ROR1: variants seen among roughly 807,000 people sequenced by gnomAD.
ROR1 encodes inactive tyrosine-protein kinase transmembrane receptor ROR1.
ROR1 carries 19 observed loss-of-function variants against 78.8 expected under a neutral mutation model. The ratio of observed to expected loss-of-function variants is 0.24; its 90% confidence interval spans 0.17 to 0.35. The LOEUF (loss-of-function observed/expected upper bound fraction) is 0.35. ROR1 is among the 10% of genes least tolerant of loss of function. The pLI is 1.00. For missense variants in ROR1, 917 were observed against 1,177.8 expected (o/e 0.78, Z 3.24); for synonymous variants, 386 against 433.6 (o/e 0.89, Z 1.36).
At chr1:63,918,820 T>C (rs1645630742) in intron 1 of ROR1, among the ~76,000 whole-genome samples, 1 of 152,162 alleles carries the variant, frequency 6.6e-6, no homozygotes, top group African/African-American at 2.4e-5. Context: ...TAGCTAGCCC[T>C]AGGCTCTGAA....
Position 64,140,312 on chromosome 1 carries a change from A to G in ROR1, c.814A>G (p.Met272Val), listed in dbSNP as rs756017115. Residue 272 changes from methionine to valine, a missense_variant, in exon 6 of 9, where the codon ATG (methionine) becomes GTG (valine). Around this residue, in one of 3 missense-constraint regions of ROR1, gnomAD observed 835 missense variants for 1,069.8 expected, o/e 0.78. Coordinates refer to ENST00000371079, the MANE Select transcript of ROR1 (RefSeq NM_005012.4). The stretch of plus-strand genomic sequence containing the variant: ...GTACATTTTTGCAAGATCAAATCCC[A>G]TGATTCTGATGAGGCTGAAACTGCC... ...TEYIFARSNP[M>V]ILMRLKLPNC... 3.7e-6 allele frequency: 6 copies of G among 1,614,056 alleles called. No individual in the cohort carries two copies. In the South Asian group the frequency reaches 4.4e-5, roughly 12 times the overall value.
chr1:63,867,690 G>A (rs188332750), intron 1 of ROR1, among the ~76,000 whole-genome samples: 4 of 152,298 alleles, frequency 2.6e-5, no homozygotes, highest in East Asian at 1.9e-4. Context: ...CCTCGCCGAC[G>A]AAAATATTCC....
intron 1 of ROR1, chr1:63,843,752 T>G: frequency 2.4e-6 from 1 of 420,082 alleles, no homozygotes; most frequent in Non-Finnish European, 4.7e-6. Context: ...CAGCCGCTGC[T>G]GGGACCCGAC....
At chr1:63,808,841 G>GT (rs11408423) in intron 1 of ROR1, among the ~76,000 whole-genome samples, 25,395 of 145,318 alleles carry the variant, frequency 0.17, 5,489 homozygotes, top group African/African-American at 0.51. Context: ...TTTCATTTAT[G>GT]TTTTTTTTTT....
intron 1 of ROR1, among the ~76,000 whole-genome samples, chr1:64,001,025 G>T (rs1570039544): frequency 6.6e-6 from 1 of 152,164 alleles, no homozygotes; most frequent in East Asian, 1.9e-4. Flanking sequence ...GAATAATTTA[G>T]CACAGAAGTC....
intron 1 of ROR1, among the ~76,000 whole-genome samples, chr1:64,008,873 T>C (rs1646452078): frequency 6.6e-6 from 1 of 152,118 alleles, no homozygotes; most frequent in South Asian, 2.1e-4. Context: ...GACCTTGTGA[T>C]CCACCTGCCT....
At position 64,177,525 on chromosome 1, in the gene ROR1, C is replaced by G; in HGVS notation, c.1484C>G (p.Pro495Arg). Residue 495 changes from proline (P) to arginine (R), a missense_variant, in exon 9 of 9, where the codon CCA becomes CGA. Pro to Arg is a moderately radical substitution (Grantham distance 103). Around this residue, in one of 3 missense-constraint regions of ROR1, gnomAD observed 835 missense variants for 1,069.8 expected, o/e 0.78. Transcript: ENST00000371079. ...GKIYKGHLYLPGMDHAQLVAI... is the reference protein window; with the variant it reads ...GKIYKGHLYLRGMDHAQLVAI... ...ATCTATAAAGGCCATCTCTATCTCC[C>G]AGGCATGGACCATGCTCAGCTGGTT... The G allele has an allele frequency of 1.2e-6, 2 of 1,614,092 alleles. No individual in the cohort carries two copies. The highest frequency in any genetic ancestry group is 2.7e-5 in the African/African-American group (2 of 75,026).
intron 5 of ROR1, among the ~76,000 whole-genome samples, chr1:64,139,068 G>A (rs553131932): frequency 6.6e-6 from 1 of 150,692 alleles, no homozygotes; most frequent in South Asian, 2.1e-4. Flanking sequence ...GTGGGAGGCT[G>A]AGGCATGAGA....
At chr1:64,016,692 GTGTATATAATGC>G (rs1172698057) in intron 2 of ROR1, among the ~76,000 whole-genome samples, 3 of 148,236 alleles carry the variant, frequency 2.0e-5, no homozygotes, top group Non-Finnish European at 3.0e-5. Context: ...GTTTGTGTGT[GTGTATATAATGC>G]TTTATGTACC....
intron 1 of ROR1, among the ~76,000 whole-genome samples, chr1:63,831,140 A>G (rs35212596): frequency 0.14 from 20,720 of 152,194 alleles, 1,501 homozygotes; most frequent in Middle Eastern, 0.22. Flanking sequence ...ATGGGCTGGC[A>G]TTGAGTGCCT....
At chr1:64,072,304 A>G (rs1317494135) in intron 4 of ROR1, among the ~76,000 whole-genome samples, 2 of 152,124 alleles carry the variant, frequency 1.3e-5, no homozygotes, top group Admixed American at 6.6e-5. Flanking sequence ...TGGCTTCTTT[A>G]AGAGCTGCTG....
intron 1 of ROR1, among the ~76,000 whole-genome samples, chr1:63,796,847 C>A (rs1478884023): frequency 3.3e-5 from 5 of 152,090 alleles, no homozygotes. Context: ...GCAGGTGGTC[C>A]AGAGAGCAGC....
At chr1:63,959,251 A>G (rs931979297) in intron 1 of ROR1, among the ~76,000 whole-genome samples, 1 of 152,212 alleles carries the variant, frequency 6.6e-6, no homozygotes, top group Non-Finnish European at 1.5e-5. Context: ...GCAGGAGGGT[A>G]ACCACCCCCA....
chr1:63,961,140 C>T (rs1246312738), intron 1 of ROR1, among the ~76,000 whole-genome samples: 1 of 151,456 alleles, frequency 6.6e-6, no homozygotes, highest in Non-Finnish European at 1.5e-5. Flanking sequence ...TTTTTTTAAA[C>T]TCCCCTTAAG....
intron 8 of ROR1, among the ~76,000 whole-genome samples, chr1:64,163,077 A>G (rs1345332957): frequency 1.3e-5 from 2 of 152,120 alleles, no homozygotes; most frequent in Non-Finnish European, 2.9e-5. Context: ...TTAGGCAGAC[A>G]GAGAGGTTAA....
At chr1:64,075,216 A>G (rs548530509) in intron 4 of ROR1, among the ~76,000 whole-genome samples, 2 of 152,344 alleles carry the variant, frequency 1.3e-5, no homozygotes, top group South Asian at 4.1e-4. Flanking sequence ...AAAATGTTTT[A>G]AATTTAATAA....
At chr1:64,040,043 G>A (rs1646733882) in intron 2 of ROR1, among the ~76,000 whole-genome samples, 2 of 152,146 alleles carry the variant, frequency 1.3e-5, no homozygotes, top group South Asian at 4.1e-4. Context: ...TTATTATTTG[G>A]TTTGGTTTTA....
At chr1:63,880,902 A>G (rs1645317954) in intron 1 of ROR1, among the ~76,000 whole-genome samples, 1 of 152,140 alleles carries the variant, frequency 6.6e-6, no homozygotes, top group Non-Finnish European at 1.5e-5. Flanking sequence ...AGCACTAGGA[A>G]TTCTTTAGGC....
chr1:64,132,303 G>C (rs1000920989), intron 4 of ROR1, among the ~76,000 whole-genome samples: 2 of 152,040 alleles, frequency 1.3e-5, no homozygotes, highest in African/African-American at 4.8e-5. Flanking sequence ...CCATTCATCT[G>C]TTGATGAACA....
Sources: allele counts gnomAD v4.1 joint callset (sites outside exome capture counted in the v4.1 genomes callset), GRCh38; gene constraint gnomAD v4.1.1; regional missense constraint gnomAD v4.1.1; transcripts MANE v1.5; gene names NCBI Gene and HGNC (gene_info 2026-07-23, HGNC 2026-07-21).